DYNLRB1: variants seen among roughly 807,000 people sequenced by gnomAD.
DYNLRB1 encodes dynein light chain roadblock-type 1, also known as ROBL/LC7-like 1.
A neutral mutation model predicts 13.5 loss-of-function variants in DYNLRB1; 6 were observed. That is an observed-to-expected ratio of 0.44 (90% CI 0.24 to 0.88). The LOEUF (loss-of-function observed/expected upper bound fraction) is 0.88, where lower values mean the gene tolerates loss of function less well. DYNLRB1 is among the 40% of genes least tolerant of loss of function. The pLI is 0.21. For synonymous variants in DYNLRB1, 43 were observed against 45.0 expected (o/e 0.96, Z 0.18); for missense variants, 93 against 127.2 (o/e 0.73, Z 1.29).
chr20:34,528,311 CAAAAAAAA>C lies in DYNLRB1; in HGVS notation c.79+1994_79+2001del, dbSNP rs59104612. On this transcript the variant is annotated intron_variant, in intron 2 of 3. Coordinates refer to ENST00000357156, the MANE Select transcript of DYNLRB1 (RefSeq NM_014183.4). ...TGGGCGACAGAGCGAGACTCCGTCT[CAAAAAAAA>C]AAAAAAAAAAAAAAAAAAAAAAAAA... Among the ~76,000 whole-genome samples, 9 of 5,204 alleles carry C rather than the reference CAAAAAAAA, an allele frequency of 1.7e-3. 1 individual carries two copies. Among genetic ancestry groups the C allele is most frequent in the South Asian group, 0.027 (2 of 74 alleles). The allele number at this position is 5,204 out of a possible 152,430, so 3.4% of individuals were successfully genotyped here.
intron 3 of DYNLRB1, 149 bp downstream of exon 3, chr20:34,534,944 C>G (rs1006243260): frequency 4.2e-5 from 63 of 1,499,558 alleles, no homozygotes; most frequent in Non-Finnish European, 5.4e-5. Flanking sequence ...CACTGCCTAG[C>G]CAGCCTCCAG....
chr20:34,526,945 C>T (rs1458995762), intron 2 of DYNLRB1, among the ~76,000 whole-genome samples: 1 of 152,176 alleles, frequency 6.6e-6, no homozygotes, highest in Non-Finnish European at 1.5e-5. Context: ...TGCAGCTCCC[C>T]TCCACCCCAA....
Position 34,528,064 on chromosome 20 carries a change from G to A in DYNLRB1, c.79+1721G>A, listed in dbSNP as rs552175442. On this transcript the variant is annotated intron_variant, in intron 2 of 3. Coordinates refer to ENST00000357156, the MANE Select transcript of DYNLRB1 (RefSeq NM_014183.4). ...GCGGTGGCTCACGCCTGTAATCCCAGCACTTTGGGAGGCCGAGGCGGGCGG... is the reference window on the plus strand; with the variant it reads ...GCGGTGGCTCACGCCTGTAATCCCAACACTTTGGGAGGCCGAGGCGGGCGG... Among the ~76,000 whole-genome samples, 22 of 111,544 alleles carry A rather than the reference G, an allele frequency of 2.0e-4. 7 individuals are homozygous for A. The South Asian group carries it at 2.2e-3, about 11-fold the overall frequency. The allele number at this position is 111,544 out of a possible 152,430, so 73.2% of individuals were successfully genotyped here.
Position 34,528,243 on chromosome 20 carries a change from C to T in DYNLRB1, c.79+1900C>T, listed in dbSNP as rs1351867116. 8.4e-4 allele frequency among the ~76,000 whole-genome samples: 33 copies of T among 39,192 alleles called. 11 individuals are homozygous for T. Among genetic ancestry groups the T allele is most frequent in the Non-Finnish European group, 1.6e-3 (31 of 19,926 alleles). The allele number at this position is 39,192 out of a possible 152,430, so 25.7% of individuals were successfully genotyped here. ...GGGAGAATGGCGTGAACCCGGGAGG[C>T]GGAGCTTGCAGTGAGCCGAGATCCC... On this transcript the variant is annotated intron_variant, in intron 2 of 3. Coordinates refer to ENST00000357156, the MANE Select transcript of DYNLRB1 (RefSeq NM_014183.4).
chr20:34,518,992 G>A (rs556534965), intron 1 of DYNLRB1, among the ~76,000 whole-genome samples: 4 of 151,798 alleles, frequency 2.6e-5, no homozygotes, highest in South Asian at 2.1e-4. Context: ...TCCCGGGTTC[G>A]AGTGATTCTC....
chr20:34,523,569 T>G (rs1979934547), intron 1 of DYNLRB1, among the ~76,000 whole-genome samples: 1 of 152,082 alleles, frequency 6.6e-6, no homozygotes, highest in Non-Finnish European at 1.5e-5. Context: ...TCTGGAACAC[T>G]CCCCAGAAAC....
intron 3 of DYNLRB1, chr20:34,535,060 T>C (rs913131160): frequency 1.5e-6 from 2 of 1,300,362 alleles, no homozygotes; most frequent in African/African-American, 1.5e-5. Flanking sequence ...CCTTCCTTGA[T>C]AGGAGAAAAC....
At chr20:34,519,344 G>A (rs981179563) in intron 1 of DYNLRB1, among the ~76,000 whole-genome samples, 1 of 152,132 alleles carries the variant, frequency 6.6e-6, no homozygotes, top group Middle Eastern at 3.2e-3. Flanking sequence ...TGGTGCATAA[G>A]CACATTTATG....
intron 3 of DYNLRB1, 47 bp downstream of exon 3, chr20:34,534,842 ATTC>A: frequency 1.9e-6 from 3 of 1,613,122 alleles, no homozygotes; most frequent in Non-Finnish European, 2.5e-6. Context: ...CTCATGGCAC[ATTC>A]TCTGTGGCTC....
intron 1 of DYNLRB1, chr20:34,516,766 T>G: frequency 6.5e-7 from 1 of 1,550,044 alleles, no homozygotes. Flanking sequence ...TTTGGGGCCT[T>G]GGTGCGCGAT....
chr20:34,536,589 A>T (rs1013090887), intron 3 of DYNLRB1: 2 of 577,128 alleles, frequency 3.5e-6, no homozygotes, highest in Non-Finnish European at 4.4e-6. Flanking sequence ...TACTAAAAAT[A>T]AAAAAATTAG....
chr20:34,536,148 C>T (rs1174031150), intron 3 of DYNLRB1: 1 of 985,308 alleles, frequency 1.0e-6, no homozygotes, highest in Admixed American at 6.1e-5. Flanking sequence ...TCTATTATTC[C>T]AAAATCACGC....
At chr20:34,530,054 G>A in intron 2 of DYNLRB1, 2 of 1,247,664 alleles carry the variant, frequency 1.6e-6, no homozygotes, top group Non-Finnish European at 2.0e-6. Flanking sequence ...GAGAGAAACT[G>A]TCTTCTGGGA....
At chr20:34,526,478 C>CTTTTTT in intron 2 of DYNLRB1, 135 bp downstream of exon 2, 1 of 527,292 alleles carries the variant, frequency 1.9e-6, no homozygotes, top group Non-Finnish European at 3.1e-6. Context: ...TTAACACCTC[C>CTTTTTT]AGTGTTCTTT....
At chr20:34,537,093 G>A (rs534151221) in intron 3 of DYNLRB1, among the ~76,000 whole-genome samples, 1 of 152,282 alleles carries the variant, frequency 6.6e-6, no homozygotes, top group Admixed American at 6.5e-5. Context: ...CAAGTAGGGG[G>A]TTCTCCTTGG....
At position 34,540,740 on chromosome 20, in the gene DYNLRB1, C is replaced by A; in HGVS notation, c.*116C>A. 2 of 1,074,966 alleles carry A rather than the reference C, an allele frequency of 1.9e-6. No homozygotes were observed. Among genetic ancestry groups the A allele is most frequent in the Non-Finnish European group, 2.8e-6 (2 of 724,892 alleles). 66.6% of individuals were successfully genotyped at this position (1,074,966 alleles called of 1,614,324 possible). On this transcript the variant is annotated 3_prime_UTR_variant, in exon 4 of 4. Transcript: ENST00000357156. The stretch of plus-strand genomic sequence containing the variant: ...TCGCTTGGAACCCACTCACACCAAT[C>A]CAGTGACCGTGTGTGGGCTGGCGGC...
intron 3 of DYNLRB1, among the ~76,000 whole-genome samples, chr20:34,539,380 C>T (rs1294253846): frequency 6.6e-6 from 1 of 152,172 alleles, no homozygotes; most frequent in African/African-American, 2.4e-5. Flanking sequence ...GAGTTTGTGA[C>T]AGAAATTGAC....
At chr20:34,517,627 C>CTTTTTTTTTT (rs60155819) in intron 1 of DYNLRB1, among the ~76,000 whole-genome samples, 5 of 120,406 alleles carry the variant, frequency 4.2e-5, no homozygotes, top group Admixed American at 9.1e-5. Context: ...TTCATTATTT[C>CTTTTTTTTTT]TTTTTTTTTT....
At chr20:34,522,972 G>A (rs986522784) in intron 1 of DYNLRB1, among the ~76,000 whole-genome samples, 1 of 152,180 alleles carries the variant, frequency 6.6e-6, no homozygotes, top group Non-Finnish European at 1.5e-5. Context: ...TATCCTATGC[G>A]AGGTACTGGG....
Sources: gnomAD v4.1 joint callset for allele counts (sites outside exome capture counted in the v4.1 genomes callset) on GRCh38, gnomAD v4.1.1 for gene constraint, MANE v1.5 for transcripts, NCBI Gene and HGNC (gene_info 2026-07-23, HGNC 2026-07-21) for gene names.